FREM3: variants seen among roughly 807,000 people sequenced by gnomAD.
FREM3 encodes the protein FRAS1 related extracellular matrix 3.
FREM3 carries 105 observed loss-of-function variants against 129.1 expected under a neutral mutation model. The observed-to-expected ratio is 0.81, with a 90% CI of 0.69 to 0.96. FREM3 has a LOEUF of 0.96. FREM3 is among the 40% of genes least tolerant of loss of function. The pLI is 0.00. For synonymous variants in FREM3, 1,014 were observed against 1,044.9 expected, an observed-to-expected ratio of 0.97 and a Z score of 0.57; for missense variants, 2,593 against 2,666.3, an observed-to-expected ratio of 0.97 and a Z score of 0.61.
chr4:143,614,717 C>T (rs893777797), intron 5 of FREM3, among the ~76,000 whole-genome samples: 6 of 152,218 alleles, frequency 3.9e-5, no homozygotes, highest in Admixed American at 1.3e-4. Flanking sequence ...GGAGTTCCCT[C>T]CCTTAGCATG....
At position 143,577,778 on chromosome 4, in the gene FREM3, T is replaced by A. The variant is rs180962612; in HGVS notation, c.6253A>T (p.Thr2085Ser). Reference sequence around the variant, plus strand: ...GGCTGTCCCAGGTCATCAAGGATGGTCACTTGGAATGTCTGCATGCGCACG... The same window carrying A: ...GGCTGTCCCAGGTCATCAAGGATGGACACTTGGAATGTCTGCATGCGCACG... ...PGVRMQTFQV[T>S]ILDDLGQPTL... Residue 2085 changes from threonine to serine, a missense_variant, in exon 8 of 8, where the codon ACC becomes TCC. Thr to Ser is a moderately conservative substitution (Grantham distance 58, BLOSUM62 1). Transcript: ENST00000329798. The A allele has an allele frequency of 1.3e-6, 2 of 1,537,304 alleles. No individual in the cohort carries two copies. The highest frequency in any genetic ancestry group is 1.7e-6 in the Non-Finnish European group (2 of 1,146,926).
Position 143,698,263 on chromosome 4 carries a change from G to A in FREM3, c.2413C>T (p.Gln805Ter). The A allele has an allele frequency of 6.5e-7, 1 of 1,537,516 alleles. No homozygotes were observed. The highest frequency in any genetic ancestry group is 8.7e-7 in the Non-Finnish European group (1 of 1,146,976). The change falls in exon 1 of 8, where the codon CAG becomes TAG. Residue 805 changes from glutamine (Q) to a stop codon, truncating the protein, a stop_gained. Transcript: ENST00000329798. LOFTEE classifies it high-confidence loss of function. ...IAPRVVQFTY[Q>*]VEDAAGNSVP... ...CTATTGCCTGCAGCATCTTCCACCT[G>A]GTAAGTAAACTGCACAACCCGTGGT...
chr4:143,659,297 G>C (rs371037933), intron 2 of FREM3, among the ~76,000 whole-genome samples: 4 of 150,286 alleles, frequency 2.7e-5, no homozygotes, highest in African/African-American at 7.4e-5. Flanking sequence ...CTGTGTCCAC[G>C]TGTTCTCATT....
chr4:143,695,088 T>C (rs1047995145), intron 1 of FREM3, among the ~76,000 whole-genome samples: 5 of 152,230 alleles, frequency 3.3e-5, no homozygotes, highest in African/African-American at 1.2e-4. Context: ...AAAATCTAGA[T>C]ACCAAACATC....
intron 2 of FREM3, among the ~76,000 whole-genome samples, chr4:143,659,244 T>A (rs980024099): frequency 8.2e-5 from 12 of 146,150 alleles, no homozygotes; most frequent in Non-Finnish European, 4.5e-5. Context: ...CCCTCCCCCC[T>A]ACCCCCACCA....
In FREM3 at chr4:143,695,864, G is replaced by T. The variant is rs1212649538; in HGVS notation, c.4812C>A (p.Asn1604Lys). Residue 1604 changes from asparagine (N) to lysine (K), a missense_variant, in exon 1 of 8, where the codon AAC becomes AAA. By Grantham distance (94) the Asn-to-Lys change is moderately conservative. Coordinates refer to ENST00000329798, the MANE Select transcript of FREM3 (RefSeq NM_001168235.2). ...TTFTKQDLNKNLISYKHDGSE... is the reference protein window; with the variant it reads ...TTFTKQDLNKKLISYKHDGSE... ...TGCCGTCATGCTTGTAGCTAATCAG[G>T]TTCTTGTTCAGGTCTTGCTTGGTGA... 2.0e-6 allele frequency: 3 copies of T among 1,537,448 alleles called. No homozygotes were observed. The highest frequency in any genetic ancestry group is 2.0e-5 in the Admixed American group (1 of 50,994).
chr4:143,653,219 C>T (rs145472786), intron 2 of FREM3, among the ~76,000 whole-genome samples: 102 of 152,274 alleles, frequency 6.7e-4, no homozygotes, highest in African/African-American at 2.2e-3. Flanking sequence ...TTAGCTAGAG[C>T]CCCTGCTGGG....
At chr4:143,633,997 T>A (rs1447728489) in intron 2 of FREM3, among the ~76,000 whole-genome samples, 3 of 152,068 alleles carry the variant, frequency 2.0e-5, no homozygotes, top group Non-Finnish European at 4.4e-5. Flanking sequence ...CTGAGAGTTA[T>A]GGGGACTGTA....
chr4:143,617,612 T>A (rs1738875102), intron 5 of FREM3, among the ~76,000 whole-genome samples: 1 of 151,522 alleles, frequency 6.6e-6, no homozygotes, highest in Non-Finnish European at 1.5e-5. Context: ...TAACTAAGAT[T>A]TCCTCTTGAA....
At chr4:143,693,706 A>G (rs1740514737) in intron 1 of FREM3, among the ~76,000 whole-genome samples, 1 of 152,252 alleles carries the variant, frequency 6.6e-6, no homozygotes, top group Admixed American at 6.5e-5. Flanking sequence ...CTAAATGTCC[A>G]TCAATGACAT....
intron 2 of FREM3, among the ~76,000 whole-genome samples, chr4:143,662,792 G>A (rs1442683171): frequency 6.6e-6 from 1 of 151,934 alleles, no homozygotes; most frequent in Non-Finnish European, 1.5e-5. Flanking sequence ...ATATATTTAG[G>A]ATAGTTAGCT....
intron 2 of FREM3, among the ~76,000 whole-genome samples, chr4:143,688,350 A>G (rs1214677494): frequency 6.6e-6 from 1 of 152,206 alleles, no homozygotes; most frequent in Non-Finnish European, 1.5e-5. Flanking sequence ...GAAAAGCACA[A>G]AACACTACTG....
chr4:143,622,403 CTT>C (rs35835336), intron 4 of FREM3, among the ~76,000 whole-genome samples: 59,784 of 138,778 alleles, frequency 0.43, 12,554 homozygotes, highest in Middle Eastern at 0.5. Flanking sequence ...TGGCAATCAT[CTT>C]TTTTTTTTTT....
intron 7 of FREM3, among the ~76,000 whole-genome samples, chr4:143,580,067 G>C (rs1738104412): frequency 6.6e-6 from 1 of 152,162 alleles, no homozygotes; most frequent in Admixed American, 6.5e-5. Context: ...TACATACACA[G>C]TGAGAAATGA....
At position 143,613,014 on chromosome 4, in the gene FREM3, G is replaced by C. The variant is rs576303462; in HGVS notation, c.5780-1487C>G. ...TGTCATCTAAACATCCGTACAAGTT[G>C]GTGTCCATCACTGCATGTTGCTTGT... On this transcript the variant is annotated intron_variant, in intron 5 of 7. Coordinates refer to ENST00000329798, the MANE Select transcript of FREM3 (RefSeq NM_001168235.2). Among the ~76,000 whole-genome samples, 63 of 152,220 alleles carry C rather than the reference G, an allele frequency of 4.1e-4. No homozygotes were observed. The Middle Eastern group carries it at 0.014, about 33-fold the overall frequency.
chr4:143,582,233 C>G (rs1353878251), intron 7 of FREM3, among the ~76,000 whole-genome samples: 1 of 152,120 alleles, frequency 6.6e-6, no homozygotes, highest in South Asian at 2.1e-4. Context: ...GAGTGCAAAG[C>G]CAAGATCTGC....
chr4:143,695,930 A>G lies in FREM3; in HGVS notation c.4746T>C (p.His1582=). 6.5e-7 allele frequency: 1 copy of G among 1,537,856 alleles called. No individual in the cohort carries two copies. Among genetic ancestry groups the G allele is most frequent in the Non-Finnish European group, 8.7e-7 (1 of 1,147,044 alleles). ...GGCTACCATTGTACAAAATCTTGCC[A>G]TGCATGGGGACCTGGGTGATGGTAA... is the stretch of plus-strand genomic sequence containing the variant. ...ILFTITQVPM[H]GKILYNGSRP... Residue 1582 remains histidine (H), a synonymous_variant, in exon 1 of 8, where the codon CAT becomes CAC. Coordinates refer to ENST00000329798, the MANE Select transcript of FREM3 (RefSeq NM_001168235.2).
intron 2 of FREM3, among the ~76,000 whole-genome samples, chr4:143,632,745 A>T (rs1739161888): frequency 6.6e-6 from 1 of 152,138 alleles, no homozygotes; most frequent in Non-Finnish European, 1.5e-5. Context: ...CCTGGGCCAC[A>T]TTGGAGGAAG....
Position 143,695,912 on chromosome 4 carries a change from A to G in FREM3, c.4764T>C (p.Asn1588=), listed in dbSNP as rs1462237147. 1.3e-6 allele frequency: 2 copies of G among 1,537,754 alleles called. No individual in the cohort carries two copies. Among genetic ancestry groups the G allele is most frequent in the Non-Finnish European group, 8.7e-7 (1 of 1,147,032 alleles). ...QVPMHGKILY[N]GSRPVTTFTK... ...TGAAAGTGGTCACGGGACGGCTACCATTGTACAAAATCTTGCCATGCATGG... is the reference window on the plus strand; with the variant it reads ...TGAAAGTGGTCACGGGACGGCTACCGTTGTACAAAATCTTGCCATGCATGG... Residue 1588 remains asparagine, a synonymous_variant, in exon 1 of 8, where the codon AAT becomes AAC. Coordinates refer to ENST00000329798, the MANE Select transcript of FREM3 (RefSeq NM_001168235.2).
Sources: gnomAD v4.1 joint callset for allele counts (sites outside exome capture counted in the v4.1 genomes callset) on GRCh38, gnomAD v4.1.1 for gene constraint, MANE v1.5 for transcripts, NCBI Gene and HGNC (gene_info 2026-07-23, HGNC 2026-07-21) for gene names.